Variants in IQCH observed in about 807,000 individuals in gnomAD.
IQCH encodes IQ domain-containing protein H.
A neutral mutation model predicts 117.0 loss-of-function variants in IQCH; 98 were observed. That is an observed-to-expected ratio of 0.84 (90% confidence interval 0.71 to 0.99). IQCH has a LOEUF of 0.99. IQCH is among the 50% of genes least tolerant of loss of function. IQCH has a pLI of 0.00. For missense variants in IQCH, 1,102 were observed against 1,243.8 expected, an observed-to-expected ratio of 0.89 and a Z score of 1.72; for synonymous variants, 412 against 448.2, an observed-to-expected ratio of 0.92 and a Z score of 1.02.
At chr15:67,446,814 T>G (rs1332195391) in intron 16 of IQCH, among the ~76,000 whole-genome samples, 3 of 152,184 alleles carry the variant, frequency 2.0e-5, no homozygotes, top group Non-Finnish European at 4.4e-5. Context: ...ATACATAGGC[T>G]CTCAAAGTGC....
intron 3 of IQCH, among the ~76,000 whole-genome samples, chr15:67,270,384 G>T (rs993200617): frequency 2.0e-5 from 3 of 152,132 alleles, no homozygotes; most frequent in African/African-American, 7.2e-5. Context: ...ATTATTTTCA[G>T]GTATGTTCCT....
intron 4 of IQCH, among the ~76,000 whole-genome samples, chr15:67,328,713 C>A (rs567624678): frequency 9.2e-5 from 14 of 152,312 alleles, no homozygotes; most frequent in Non-Finnish European, 1.8e-4. Context: ...CTTAAAAGTT[C>A]ATGGCATGAA....
chr15:67,446,646 T>C (rs1295789621), intron 16 of IQCH, among the ~76,000 whole-genome samples: 2 of 152,108 alleles, frequency 1.3e-5, no homozygotes, highest in Admixed American at 6.5e-5. Context: ...CCAGGGTGCC[T>C]TTCAGCCAGC....
intron 4 of IQCH, among the ~76,000 whole-genome samples, chr15:67,335,666 C>G (rs1209172730): frequency 1.3e-5 from 2 of 152,094 alleles, no homozygotes; most frequent in East Asian, 3.9e-4. Flanking sequence ...TCAGGAAGAC[C>G]AGAGTCTCAT....
At chr15:67,334,954 GGAA>G (rs2140651188) in intron 4 of IQCH, among the ~76,000 whole-genome samples, 1 of 152,244 alleles carries the variant, frequency 6.6e-6, no homozygotes, top group African/African-American at 2.4e-5. Context: ...TCCTTACCAT[GGAA>G]GAGGACAGCA....
At position 67,432,420 on chromosome 15, in the gene IQCH, G is replaced by GGC. The variant is rs2082040106; in HGVS notation, c.2505+10844_2505+10845dup. Among the ~76,000 whole-genome samples, 1 of 152,126 alleles carries GGC rather than the reference G, an allele frequency of 6.6e-6. No individual in the cohort carries two copies. Among genetic ancestry groups the GGC allele is most frequent in the African/African-American group, 2.4e-5 (1 of 41,422 alleles). ...TTTCATTGCAATGGCAATGGGTTCT[G>GGC]GCCCCAGTCTTTCCACTAACTAGTG... is the stretch of plus-strand genomic sequence containing the variant. On this transcript the variant is annotated intron_variant, in intron 16 of 20. Coordinates refer to ENST00000335894, the MANE Select transcript of IQCH (RefSeq NM_001031715.3). The surrounding 1 kb of genome is among the most constrained non-coding windows in gnomAD (Gnocchi z 5.0).
At chr15:67,428,463 G>C (rs1395280464) in intron 16 of IQCH, among the ~76,000 whole-genome samples, 1 of 152,136 alleles carries the variant, frequency 6.6e-6, no homozygotes, top group African/African-American at 2.4e-5. Flanking sequence ...CATGGCAAAA[G>C]GACTTTGCAT....
chr15:67,297,495 G>A (rs1441083746), intron 4 of IQCH, among the ~76,000 whole-genome samples: 2 of 152,048 alleles, frequency 1.3e-5, no homozygotes, highest in Admixed American at 6.6e-5. Context: ...GACCCCAGTA[G>A]CATTTTCTGT....
intron 4 of IQCH, among the ~76,000 whole-genome samples, chr15:67,303,973 T>C (rs1967177896): frequency 6.6e-6 from 1 of 152,148 alleles, no homozygotes; most frequent in South Asian, 2.1e-4. Context: ...ACCTGTGTAT[T>C]TGTAGTATAG....
intron 4 of IQCH, chr15:67,282,351 T>TG (rs1458787907): frequency 1.3e-5 from 2 of 150,014 alleles, no homozygotes; most frequent in South Asian, 2.1e-4. Context: ...ATTATTGTTC[T>TG]GGGAAAAAAA....
intron 4 of IQCH, among the ~76,000 whole-genome samples, chr15:67,291,308 C>A (rs1312162355): frequency 6.6e-6 from 1 of 152,076 alleles, no homozygotes; most frequent in Non-Finnish European, 1.5e-5. Flanking sequence ...AGCACAATAC[C>A]TGGCACATGG....
chr15:67,362,353 C>T (rs969304652), intron 8 of IQCH, among the ~76,000 whole-genome samples: 3 of 151,940 alleles, frequency 2.0e-5, no homozygotes, highest in Non-Finnish European at 4.4e-5. Flanking sequence ...CCTAAGCCAT[C>T]CTTGTGTTGT....
intron 1 of IQCH, among the ~76,000 whole-genome samples, chr15:67,260,876 T>C (rs1255011559): frequency 6.6e-6 from 1 of 151,908 alleles, no homozygotes; most frequent in Non-Finnish European, 1.5e-5. Context: ...GGTGGGAAGA[T>C]CATGAGGACA....
chr15:67,500,605 A>G lies in IQCH; in HGVS notation c.2971-28A>G. On this transcript the variant is annotated intron_variant, in intron 20 of 20. Transcript: ENST00000335894. The surrounding 1 kb of genome is among the most constrained non-coding windows in gnomAD (Gnocchi z 4.4). ...GGGAGAGGGATTGTAAGAGGTCTTT[A>G]AGTAATAAATATTGTCTTTATTTAC... 8.4e-7 allele frequency: 1 copy of G among 1,189,296 alleles called. No individual in the cohort carries two copies. The highest frequency in any genetic ancestry group is 1.2e-6 in the Non-Finnish European group (1 of 811,930). The allele number at this position is 1,189,296 out of a possible 1,614,324, so 73.7% of individuals were successfully genotyped here.
intron 4 of IQCH, among the ~76,000 whole-genome samples, chr15:67,284,605 C>T (rs964080208): frequency 9.9e-5 from 15 of 152,102 alleles, no homozygotes; most frequent in South Asian, 2.1e-4. Flanking sequence ...TGATCCTCTC[C>T]CTTCTTCCAC....
intron 15 of IQCH, among the ~76,000 whole-genome samples, chr15:67,420,306 T>C (rs1009299064): frequency 2.6e-5 from 4 of 152,208 alleles, no homozygotes; most frequent in Admixed American, 6.5e-5. Context: ...TTTCTTTGTA[T>C]GCTATTCAAA....
intron 16 of IQCH, among the ~76,000 whole-genome samples, chr15:67,451,082 T>A (rs1301571169): frequency 1.3e-5 from 2 of 152,212 alleles, no homozygotes; most frequent in Admixed American, 6.5e-5. Flanking sequence ...CCCTTTATCA[T>A]TTTTTATTGC....
At chr15:67,339,707 TG>T (rs1428553855) in intron 5 of IQCH, among the ~76,000 whole-genome samples, 1 of 152,184 alleles carries the variant, frequency 6.6e-6, no homozygotes, top group East Asian at 1.9e-4. Flanking sequence ...TCTCCCCTTT[TG>T]ACGAAAACAA....
At chr15:67,258,505 T>C (rs1265669725) in intron 1 of IQCH, among the ~76,000 whole-genome samples, 1 of 136,100 alleles carries the variant, frequency 7.3e-6, no homozygotes, top group African/African-American at 2.8e-5. Flanking sequence ...CACTCCAGCC[T>C]GGGGGACAAG....
Sources: gnomAD v4.1 joint callset for allele counts (sites outside exome capture counted in the v4.1 genomes callset) on GRCh38, gnomAD v4.1.1 for gene constraint, Gnocchi (gnomAD v3.1) non-coding constraint, MANE v1.5 for transcripts, NCBI Gene and HGNC (gene_info 2026-07-23, HGNC 2026-07-21) for gene names.